The following TASOR2 variants were observed in gnomAD, a reference collection of about 807,000 sequenced individuals.
The protein encoded by TASOR2 is transcription activation suppressor family member 2.
In TASOR2, 84 loss-of-function variants were observed where a neutral mutation model predicts 199.5. The ratio of observed to expected loss-of-function variants is 0.42; its 90% CI spans 0.35 to 0.50. TASOR2 has a LOEUF of 0.50. Among genes scored for constraint, TASOR2 ranks in the 20% least tolerant of loss-of-function variants. The pLI is 0.02. For missense variants in TASOR2, 2,796 were observed against 2,835.9 expected (o/e 0.99, Z 0.32); for synonymous variants, 1,103 against 1,046.6 (o/e 1.05, Z -1.04).
rs2131636082 is a variant in TASOR2 at position 5,751,120 on chromosome 10, CCCCTT to C, written c.6606+1094_6606+1098del. Among the ~76,000 whole-genome samples, 1 of 152,292 alleles carries C rather than the reference CCCCTT, an allele frequency of 6.6e-6. No homozygotes were observed. Among genetic ancestry groups the C allele is most frequent in the South Asian group, 2.1e-4 (1 of 4,816 alleles). On this transcript the variant is annotated intron_variant, in intron 15 of 20. Coordinates refer to ENST00000328090, the Ensembl canonical transcript of TASOR2. The surrounding 1 kb of genome is among the most constrained non-coding windows in gnomAD (Gnocchi z 5.3). ...CAGGAGGCACCCGATGTTGATTTAT[CCCCTT>C]ACTGGTATATTAACCTTTTCACTTG...
chr10:5,711,561 G>T (rs1397876763), intron 1 of TASOR2, among the ~76,000 whole-genome samples: 1 of 152,106 alleles, frequency 6.6e-6, no homozygotes, highest in African/African-American at 2.4e-5. Context: ...ATGGTTAGAT[G>T]CAAGAGTGTC....
At chr10:5,703,704 T>A (rs1838201612) in intron 1 of TASOR2, among the ~76,000 whole-genome samples, 1 of 151,406 alleles carries the variant, frequency 6.6e-6, no homozygotes, top group African/African-American at 2.4e-5. Flanking sequence ...GGGGTTTCAC[T>A]GTGTTAGCCA....
intron 17 of TASOR2, 49 bp from the exon 19 acceptor site, chr10:5,758,838 A>G: frequency 7.0e-7 from 1 of 1,433,418 alleles, no homozygotes; most frequent in East Asian, 2.3e-5. Context: ...CATGAGCCAA[A>G]AGTACCTTAA....
rs1588710975 is a variant in TASOR2 at position 5,720,055 on chromosome 10, T to G, written c.-99-489T>G. Among the ~76,000 whole-genome samples the G allele has an allele frequency of 1.3e-5, 2 of 152,174 alleles. No individual in the cohort carries two copies. Among genetic ancestry groups the G allele is most frequent in the East Asian group, 3.8e-4 (2 of 5,204 alleles). On this transcript the variant is annotated intron_variant, in intron 3 of 20. Coordinates refer to ENST00000328090, the Ensembl canonical transcript of TASOR2. This position sits in a 1 kb window ranked among gnomAD's most constrained non-coding sequence, Gnocchi z 5.3. The stretch of plus-strand genomic sequence containing the variant: ...CTCAGACGCCCAAATGTCCAAAATT[T>G]TTGAGTCCATTTTTAAGGGTTCATG...
At chr10:5,749,801 A>C (rs1425204711) in exon 15 of TASOR2, 6 of 1,614,068 alleles carry the variant, frequency 3.7e-6, no homozygotes, top group Non-Finnish European at 5.1e-6. Flanking sequence ...AATAGCAACC[A>C]ATTCATTTTC....
intron 1 of TASOR2, among the ~76,000 whole-genome samples, chr10:5,694,061 C>G (rs552592696): frequency 3.3e-4 from 49 of 150,044 alleles, no homozygotes; most frequent in African/African-American, 1.2e-3. Flanking sequence ...ACTAAAGGAA[C>G]AGAAAGAGCT....
chr10:5,731,265 C>T (rs1834776407), intron 11 of TASOR2, 62 bp downstream of exon 12: 1 of 1,485,738 alleles, frequency 6.7e-7, no homozygotes. Context: ...GTTGGTGGCT[C>T]ATGCCTGTAA....
At chr10:5,718,778 AG>A (rs1004216101) in intron 3 of TASOR2, among the ~76,000 whole-genome samples, 5 of 134,284 alleles carry the variant, frequency 3.7e-5, no homozygotes, top group Admixed American at 7.6e-5. Flanking sequence ...AAAAAAAAAA[AG>A]TGGTGGGGGA....
intron 18 of TASOR2, among the ~76,000 whole-genome samples, chr10:5,760,070 G>A (rs757191073): frequency 7.3e-4 from 111 of 152,320 alleles, no homozygotes; most frequent in Middle Eastern, 3.4e-3. Context: ...CCTGAGAAAC[G>A]TCATAAGACG....
At chr10:5,728,690 A>G (rs1203071768) in intron 10 of TASOR2, among the ~76,000 whole-genome samples, 2 of 152,198 alleles carry the variant, frequency 1.3e-5, no homozygotes, top group African/African-American at 2.4e-5. Context: ...CATCTTTGGA[A>G]TAAGCAAAAC....
Position 5,685,385 on chromosome 10 carries a change from C to G in TASOR2, c.-288+210C>G, listed in dbSNP as rs1835695711. ...TCCTGCGCTACAACCTGTGGCCGCG[C>G]TCGGTGTCGCCGGCAGGGAGATCCT... is the stretch of plus-strand genomic sequence containing the variant. On this transcript the variant is annotated intron_variant, in intron 1 of 20. Transcript: ENST00000328090. This position sits in a 1 kb window ranked among gnomAD's most constrained non-coding sequence, Gnocchi z 5.4. Among the ~76,000 whole-genome samples the G allele has an allele frequency of 6.6e-6, 1 of 152,140 alleles. No homozygotes were observed. The highest frequency in any genetic ancestry group is 1.5e-5 in the Non-Finnish European group (1 of 68,006).
intron 14 of TASOR2, among the ~76,000 whole-genome samples, chr10:5,743,414 C>T (rs893514944): frequency 6.6e-6 from 1 of 152,172 alleles, no homozygotes; most frequent in African/African-American, 2.4e-5. Flanking sequence ...CTCATATTAA[C>T]TCAGTTCATT....
At position 5,762,979 on chromosome 10, in the gene TASOR2, C is replaced by T. The variant is rs375613511; in HGVS notation, c.7290-50C>T. On this transcript the variant is annotated intron_variant, in intron 20 of 20. Transcript: ENST00000328090. ...AGAGCATCCCGCTTATAAAATATTT[C>T]TTGTTCGTATTATTTTAAGAAGTTC... The T allele has an allele frequency of 2.5e-6, 4 of 1,573,632 alleles. No individual in the cohort carries two copies. The East Asian group carries it at 9.1e-5, about 36-fold the overall frequency.
At position 5,722,729 on chromosome 10, in the gene TASOR2, C is replaced by G. The variant is rs563565394; in HGVS notation, c.147-948C>G. Among the ~76,000 whole-genome samples, 67 of 152,132 alleles carry G rather than the reference C, an allele frequency of 4.4e-4. No individual in the cohort carries two copies. Among genetic ancestry groups the G allele is most frequent in the African/African-American group, 1.6e-3 (67 of 41,512 alleles). On this transcript the variant is annotated intron_variant, in intron 6 of 20. Coordinates refer to ENST00000328090, the Ensembl canonical transcript of TASOR2. The surrounding 1 kb of genome is among the most constrained non-coding windows in gnomAD (Gnocchi z 4.0). ...AGTTTTTAAAAAGGAAACAGAGTGC[C>G]GGGCACAGTGGCTTACACCTGTAGT...
At chr10:5,692,380 C>G (rs778668511) in intron 1 of TASOR2, among the ~76,000 whole-genome samples, 2 of 152,006 alleles carry the variant, frequency 1.3e-5, no homozygotes, top group Non-Finnish European at 2.9e-5. Flanking sequence ...TAGGGGCTTG[C>G]GGGTAGGACA....
chr10:5,762,663 T>A lies in TASOR2; in HGVS notation c.7289+17T>A. The A allele has an allele frequency of 8.6e-7, 1 of 1,168,784 alleles. No individual in the cohort carries two copies. Among genetic ancestry groups the A allele is most frequent in the Non-Finnish European group, 1.2e-6 (1 of 804,736 alleles). 72.4% of individuals were successfully genotyped at this position (1,168,784 alleles called of 1,614,324 possible). A position where few individuals can be genotyped will look rare whatever the true frequency, so the allele number is the denominator to read the frequency against. ...TAGCTATTGGTAAGAACACTTTTTA[T>A]GTAACTTTCCCATGTGAGTTGGAGT... On this transcript the variant is annotated intron_variant, in intron 20 of 20. Transcript: ENST00000328090.
intron 15 of TASOR2, among the ~76,000 whole-genome samples, chr10:5,753,726 C>G (rs571530776): frequency 6.6e-6 from 1 of 152,120 alleles, no homozygotes; most frequent in Non-Finnish European, 1.5e-5. Flanking sequence ...TGTCTTTGCT[C>G]CAAGTTCCTT....
chr10:5,693,072 G>C (rs914009920), intron 1 of TASOR2, among the ~76,000 whole-genome samples: 2 of 152,194 alleles, frequency 1.3e-5, no homozygotes, highest in Non-Finnish European at 1.5e-5. Flanking sequence ...GTCTAGTAAC[G>C]TTTTACCTTC....
intron 1 of TASOR2, among the ~76,000 whole-genome samples, chr10:5,691,330 T>C (rs1318436758): frequency 6.6e-6 from 1 of 152,228 alleles, no homozygotes; most frequent in Non-Finnish European, 1.5e-5. Flanking sequence ...AAAATACTTT[T>C]TGTGGTAGAC....
Sources: gnomAD v4.1 joint callset for allele counts (sites outside exome capture counted in the v4.1 genomes callset) on GRCh38, gnomAD v4.1.1 for gene constraint, Gnocchi (gnomAD v3.1) non-coding constraint, MANE v1.5 for transcripts, NCBI Gene and HGNC (gene_info 2026-07-23, HGNC 2026-07-21) for gene names.